Variants in PTPN9 observed in about 807,000 individuals in gnomAD.
PTPN9 encodes the protein tyrosine-protein phosphatase non-receptor type 9.
PTPN9 carries 26 observed loss-of-function variants against 69.8 expected under a neutral mutation model. The ratio of observed to expected loss-of-function variants is 0.37; its 90% CI spans 0.27 to 0.52. The LOEUF (loss-of-function observed/expected upper bound fraction) is 0.52. Ranked by LOEUF, PTPN9 falls within the 20% of genes least tolerant of loss-of-function variation. PTPN9 has a pLI of 0.91. For missense variants in PTPN9, 549 were observed against 740.3 expected (o/e 0.74, Z 3.00); for synonymous variants, 274 against 272.5 (o/e 1.01, Z -0.05).
chr15:75,548,494 T>C (rs949103918), intron 1 of PTPN9, among the ~76,000 whole-genome samples: 8 of 152,028 alleles, frequency 5.3e-5, no homozygotes, highest in Non-Finnish European at 1.2e-4. Context: ...GATTTCGTGA[T>C]CTGCTCACCT....
At chr15:75,473,575 C>G (rs1051257414) in intron 10 of PTPN9, 114 bp downstream of exon 10, 10 of 907,654 alleles carry the variant, frequency 1.1e-5, no homozygotes, top group South Asian at 1.6e-5. Context: ...CAGGCGTGAG[C>G]CACCGTGCCA....
intron 1 of PTPN9, among the ~76,000 whole-genome samples, chr15:75,530,835 T>C (rs1173114007): frequency 2.0e-5 from 2 of 101,680 alleles, no homozygotes; most frequent in Non-Finnish European, 3.7e-5. Flanking sequence ...TAATATATAT[T>C]ATAATATATT....
At chr15:75,550,618 T>C (rs1005128864) in intron 1 of PTPN9, among the ~76,000 whole-genome samples, 3 of 151,416 alleles carry the variant, frequency 2.0e-5, no homozygotes, top group Non-Finnish European at 2.9e-5. Flanking sequence ...TGAAACCCCA[T>C]CTTTACTAAA....
At chr15:75,520,266 G>C (rs1466811533) in intron 4 of PTPN9, among the ~76,000 whole-genome samples, 1 of 151,992 alleles carries the variant, frequency 6.6e-6, no homozygotes, top group Non-Finnish European at 1.5e-5. Flanking sequence ...CCAGGTTGTG[G>C]CAGGGGACTA....
chr15:75,566,779 G>A (rs528472973), intron 1 of PTPN9, among the ~76,000 whole-genome samples: 1 of 152,130 alleles, frequency 6.6e-6, no homozygotes, highest in East Asian at 1.9e-4. Flanking sequence ...CTTGAGCTCA[G>A]GAATTTCAGA....
intron 8 of PTPN9, among the ~76,000 whole-genome samples, chr15:75,485,977 G>A (rs2074673804): frequency 6.6e-6 from 1 of 151,500 alleles, no homozygotes; most frequent in Middle Eastern, 3.4e-3. Flanking sequence ...GCGGGCGCCT[G>A]TAGTCCCAGC....
chr15:75,473,798 A>C, intron 9 of PTPN9, 31 bp from the exon 10 acceptor site: 3 of 1,496,526 alleles, frequency 2.0e-6, no homozygotes, highest in Non-Finnish European at 2.8e-6. Flanking sequence ...AAGAAACATG[A>C]CTCTGGGAAA....
At chr15:75,483,259 A>G (rs1347138745) in intron 8 of PTPN9, among the ~76,000 whole-genome samples, 1 of 152,354 alleles carries the variant, frequency 6.6e-6, no homozygotes, top group African/African-American at 2.4e-5. Context: ...ACAAAAACTT[A>G]TACATAAATA....
rs913445707 is a variant in PTPN9 at position 75,464,013 on chromosome 15, T to C, written c.*4756A>G. ...ACCCCACATTAAGAAACAGGGAAAC[T>C]TTAAAGGCCTATAGGCTGGTCTTGG... On this transcript the variant is annotated 3_prime_UTR_variant, in exon 13 of 13. Transcript: ENST00000618819. 6.6e-5 allele frequency: 10 copies of C among 152,194 alleles called. No homozygotes were observed. The highest frequency in any genetic ancestry group is 1.3e-4 in the Non-Finnish European group (9 of 68,058). 9.4% of individuals were successfully genotyped at this position (152,194 alleles called of 1,614,324 possible). A position where few individuals can be genotyped will look rare whatever the true frequency, so the allele number is the denominator to read the frequency against.
At chr15:75,567,394 G>A (rs1029235111) in intron 1 of PTPN9, among the ~76,000 whole-genome samples, 5 of 152,086 alleles carry the variant, frequency 3.3e-5, no homozygotes, top group African/African-American at 4.8e-5. Context: ...TCATAATGAC[G>A]TGTATCTGTA....
rs1200385084 is a variant in PTPN9, at chr15:75,504,832, C to T, written c.968+843G>A. Among the ~76,000 whole-genome samples the T allele has an allele frequency of 1.1e-4, 14 of 123,786 alleles. 1 individual carries two copies. In the South Asian group the frequency reaches 1.4e-3, roughly 12 times the overall value. 81.2% of individuals were successfully genotyped at this position (123,786 alleles called of 152,430 possible). A position where few individuals can be genotyped will look rare whatever the true frequency, so the allele number is the denominator to read the frequency against. On this transcript the variant is annotated intron_variant, in intron 7 of 12. Transcript: ENST00000618819. ...CAGCCCCCCGCCTGGCCAGCCGCCC[C>T]GTCCGGGAGGGAGGTGGGGGGGTCT...
At chr15:75,530,882 A>G (rs1234887911) in intron 1 of PTPN9, among the ~76,000 whole-genome samples, 1 of 116,174 alleles carries the variant, frequency 8.6e-6, no homozygotes, top group East Asian at 2.2e-4. Context: ...GATATATTAT[A>G]TATTATTATA....
chr15:75,480,819 GC>G (rs942093569), intron 8 of PTPN9: 15 of 537,190 alleles, frequency 2.8e-5, no homozygotes, highest in South Asian at 5.7e-5. Flanking sequence ...GCCCCGCGGG[GC>G]CCGAGGGCAA....
At chr15:75,475,833 G>C (rs1567464495) in intron 9 of PTPN9, among the ~76,000 whole-genome samples, 1 of 152,050 alleles carries the variant, frequency 6.6e-6, no homozygotes, top group Non-Finnish European at 1.5e-5. Flanking sequence ...AATAAGAGAG[G>C]ATTAATTAAA....
At chr15:75,486,598 C>T (rs948039034) in intron 8 of PTPN9, among the ~76,000 whole-genome samples, 11 of 152,102 alleles carry the variant, frequency 7.2e-5, no homozygotes, top group African/African-American at 2.4e-4. Context: ...TTAAGGCAGC[C>T]ATGTTCAACA....
Position 75,510,504 on chromosome 15 carries a change from T to G in PTPN9, c.529-1477A>C, listed in dbSNP as rs181887768. 3.7e-4 allele frequency among the ~76,000 whole-genome samples: 56 copies of G among 152,336 alleles called. No homozygotes were observed. In the East Asian group the frequency reaches 7.5e-3, roughly 20 times the overall value. The stretch of plus-strand genomic sequence containing the variant: ...CTCCTACCTTGGCATCCCAGAGTGC[T>G]GGGATTATAGGCATTGAGCCACTGC... On this transcript the variant is annotated intron_variant, in intron 5 of 12. Transcript: ENST00000618819.
chr15:75,488,365 C>A, intron 8 of PTPN9, among the ~76,000 whole-genome samples: 1 of 150,528 alleles, frequency 6.6e-6, no homozygotes. Flanking sequence ...TATGAGATCA[C>A]CTAACAAAAT....
chr15:75,488,046 T>C (rs1232952584), intron 8 of PTPN9, among the ~76,000 whole-genome samples: 7 of 151,274 alleles, frequency 4.6e-5, no homozygotes, highest in Non-Finnish European at 8.9e-5. Context: ...TTTGGGAGGC[T>C]GAGGCAGGCG....
intron 7 of PTPN9, among the ~76,000 whole-genome samples, chr15:75,498,162 T>G (rs1157389578): frequency 6.6e-6 from 1 of 151,846 alleles, no homozygotes; most frequent in East Asian, 1.9e-4. Context: ...GCCACTGAAC[T>G]CCAGCCTGGG....
Sources: gnomAD v4.1 joint callset for allele counts (sites outside exome capture counted in the v4.1 genomes callset) on GRCh38, gnomAD v4.1.1 for gene constraint, MANE v1.5 for transcripts, NCBI Gene and HGNC (gene_info 2026-07-23, HGNC 2026-07-21) for gene names.